The following RANBP10 variants were observed in gnomAD, a reference collection of about 807,000 sequenced individuals.
RANBP10 encodes RAN binding protein 10.
A neutral mutation model predicts 72.8 loss-of-function variants in RANBP10; 24 were observed. The ratio of observed to expected loss-of-function variants is 0.33; its 90% CI spans 0.24 to 0.46. The LOEUF is 0.46. Among genes scored for constraint, RANBP10 ranks in the 20% least tolerant of loss-of-function variants. The pLI is 1.00. For synonymous variants in RANBP10, 310 were observed against 322.3 expected, an observed-to-expected ratio of 0.96 and a Z score of 0.41; for missense variants, 679 against 817.5, an observed-to-expected ratio of 0.83 and a Z score of 2.07.
At chr16:67,744,502 G>A in intron 3 of RANBP10, 47 bp from the exon 4 acceptor site, 2 of 1,545,746 alleles carry the variant, frequency 1.3e-6, no homozygotes, top group South Asian at 1.2e-5. Context: ...CTTGAGGGAG[G>A]AACAAGACAA....
At chr16:67,806,085 C>T (rs1406561619) in intron 1 of RANBP10, among the ~76,000 whole-genome samples, 1 of 152,248 alleles carries the variant, frequency 6.6e-6, no homozygotes, top group Non-Finnish European at 1.5e-5. Flanking sequence ...GGTTTGGACA[C>T]CTGTTGCGGT....
chr16:67,725,008 C>T lies in RANBP10; in HGVS notation c.*1420G>A, dbSNP rs2053575501. On this transcript the variant is annotated 3_prime_UTR_variant, in exon 14 of 14. Coordinates refer to ENST00000317506, the MANE Select transcript of RANBP10 (RefSeq NM_020850.3). The stretch of plus-strand genomic sequence containing the variant: ...AGTCCTCTCCACAGGTGGGCCACCC[C>T]AAGTCCTGGCAACCATCTCAGTCTT... 1 of 152,956 alleles carries T rather than the reference C, an allele frequency of 6.5e-6. No homozygotes were observed. The highest frequency in any genetic ancestry group is 2.4e-5 in the African/African-American group (1 of 41,480). The allele number at this position is 152,956 out of a possible 1,614,324, so 9.5% of individuals were successfully genotyped here.
In RANBP10 at chr16:67,744,444, G is replaced by C. The variant is rs771615330; in HGVS notation, c.412C>G (p.His138Asp). Residue 138 changes from histidine (H) to aspartate (D), a missense_variant, in exon 4 of 14, where the codon CAT (histidine) becomes GAT (aspartate). Physicochemically the swap from His to Asp is moderately conservative, Grantham distance 81. Coordinates refer to ENST00000317506, the MANE Select transcript of RANBP10 (RefSeq NM_020850.3). ...NMNRLPGWDK[H>D]SYGYHGDDGH... The stretch of plus-strand genomic sequence containing the variant: ...TCATCACCATGGTAACCATAGGAAT[G>C]TTTGTCCCAACCTGTGGGGGAAGAG... 1 of 1,613,410 alleles carries C rather than the reference G, an allele frequency of 6.2e-7. No homozygotes were observed. The highest frequency in any genetic ancestry group is 1.1e-5 in the South Asian group (1 of 90,958).
chr16:67,729,697 G>C lies in RANBP10; in HGVS notation c.1130C>G (p.Ser377Cys). 6.2e-7 allele frequency: 1 copy of C among 1,612,928 alleles called. No homozygotes were observed. The highest frequency in any genetic ancestry group is 1.7e-4 in the Middle Eastern group (1 of 6,058). ...SLSPRHGPSS[S>C]HMHNTGADSP... ...TGGCTGACCTGTGTTGTGCATGTGG[G>C]AACTACTGGGGCCATGTCGGGGACT... The change falls in exon 9 of 14, where the codon TCC becomes TGC. Residue 377 changes from serine (S) to cysteine (C), a missense_variant. Transcript: ENST00000317506. This position sits in a 1 kb window ranked among gnomAD's most constrained non-coding sequence, Gnocchi z 7.1.
chr16:67,743,739 C>G (rs2054013982), intron 4 of RANBP10, among the ~76,000 whole-genome samples: 2 of 152,206 alleles, frequency 1.3e-5, no homozygotes, highest in African/African-American at 4.8e-5. Flanking sequence ...CCATCTGCCT[C>G]TTCCCCTGGT....
At chr16:67,804,399 CTTTT>C (rs944906909) in intron 2 of RANBP10, among the ~76,000 whole-genome samples, 2 of 148,424 alleles carry the variant, frequency 1.3e-5, no homozygotes, top group Non-Finnish European at 3.0e-5. Flanking sequence ...CTAATGCTGA[CTTTT>C]TTTTTTGTTT....
intron 3 of RANBP10, among the ~76,000 whole-genome samples, chr16:67,748,213 G>A (rs1259246838): frequency 6.6e-6 from 1 of 151,704 alleles, no homozygotes; most frequent in Non-Finnish European, 1.5e-5. Context: ...GAGAGAATAG[G>A]TAGCTTAACA....
At chr16:67,798,891 C>T (rs983627208) in intron 2 of RANBP10, among the ~76,000 whole-genome samples, 1 of 152,146 alleles carries the variant, frequency 6.6e-6, no homozygotes, top group Non-Finnish European at 1.5e-5. Context: ...CCTCAAGATA[C>T]AGCCCACGCT....
At chr16:67,766,694 T>C (rs1411919333) in intron 3 of RANBP10, among the ~76,000 whole-genome samples, 1 of 151,958 alleles carries the variant, frequency 6.6e-6, no homozygotes, top group African/African-American at 2.4e-5. Flanking sequence ...CAAATAAAAC[T>C]CTTTTCTTTA....
intron 3 of RANBP10, among the ~76,000 whole-genome samples, chr16:67,767,469 A>AG (rs2054525435): frequency 6.6e-6 from 1 of 151,056 alleles, no homozygotes; most frequent in Non-Finnish European, 1.5e-5. Context: ...AAAAAAAAAA[A>AG]AAAAAAAAAA....
At chr16:67,765,199 CAAAAAAAAAAAAAAAAA>C (rs569942198) in intron 3 of RANBP10, among the ~76,000 whole-genome samples, 4 of 11,642 alleles carry the variant, frequency 3.4e-4, no homozygotes, top group African/African-American at 7.8e-4. Context: ...GACTCCATCT[CAAAAAAAAAAAAAAAAA>C]AAAAAAAAAA....
At chr16:67,757,232 A>G (rs1162411538) in intron 3 of RANBP10, among the ~76,000 whole-genome samples, 2 of 152,122 alleles carry the variant, frequency 1.3e-5, no homozygotes, top group Non-Finnish European at 2.9e-5. Context: ...GCTCTGCAGT[A>G]GAGTCTGGGC....
intron 3 of RANBP10, among the ~76,000 whole-genome samples, chr16:67,770,251 A>C (rs1040738895): frequency 2.6e-5 from 4 of 152,132 alleles, no homozygotes; most frequent in Non-Finnish European, 4.4e-5. Flanking sequence ...CTACTTAGCC[A>C]AGGCCAGATG....
chr16:67,759,745 G>A (rs781746418), intron 3 of RANBP10: 3 of 152,288 alleles, frequency 2.0e-5, no homozygotes, highest in Non-Finnish European at 4.4e-5. Flanking sequence ...ATATGGAACA[G>A]GAAAGAAGTG....
chr16:67,792,819 G>C (rs554900891), intron 2 of RANBP10, among the ~76,000 whole-genome samples: 10 of 151,890 alleles, frequency 6.6e-5, no homozygotes, highest in African/African-American at 2.2e-4. Context: ...AAGCAAAGGG[G>C]CCTCAAGTTA....
At chr16:67,801,575 G>A (rs2055235428) in intron 2 of RANBP10, among the ~76,000 whole-genome samples, 1 of 152,126 alleles carries the variant, frequency 6.6e-6, no homozygotes. Flanking sequence ...ATGCTGTGAG[G>A]ATCAAACTAG....
At position 67,726,221 on chromosome 16, in the gene RANBP10, C is replaced by A; in HGVS notation, c.*207G>T. The A allele has an allele frequency of 1.6e-6, 1 of 639,904 alleles. No homozygotes were observed. The highest frequency in any genetic ancestry group is 1.9e-5 in the South Asian group (1 of 53,082). 39.6% of individuals were successfully genotyped at this position (639,904 alleles called of 1,614,324 possible). ...GCCAATACTGTGTTACAGGCCGCTG[C>A]ACGTGAAGGGGAGAGAGAGAGAGAC... is the stretch of plus-strand genomic sequence containing the variant. On this transcript the variant is annotated 3_prime_UTR_variant, in exon 14 of 14. Coordinates refer to ENST00000317506, the MANE Select transcript of RANBP10 (RefSeq NM_020850.3).
intron 3 of RANBP10, among the ~76,000 whole-genome samples, chr16:67,763,840 GCACGCCAC>G (rs1798200141): frequency 6.6e-6 from 1 of 152,114 alleles, no homozygotes. Flanking sequence ...GACTGTAGGC[GCACGCCAC>G]CACGCCCGGC....
chr16:67,802,467 A>C (rs866739364), intron 2 of RANBP10, among the ~76,000 whole-genome samples: 1 of 152,124 alleles, frequency 6.6e-6, no homozygotes, highest in Admixed American at 6.5e-5. Flanking sequence ...GCGAAACCCC[A>C]TCTCTACTAA....
Sources: gnomAD v4.1 joint callset for allele counts (sites outside exome capture counted in the v4.1 genomes callset) on GRCh38, gnomAD v4.1.1 for gene constraint, Gnocchi (gnomAD v3.1) non-coding constraint, MANE v1.5 for transcripts, NCBI Gene and HGNC (gene_info 2026-07-23, HGNC 2026-07-21) for gene names.